Variants in PTPRM observed in about 807,000 individuals in gnomAD.
PTPRM encodes protein tyrosine phosphatase receptor type M.
A neutral mutation model predicts 186.7 loss-of-function variants in PTPRM; 47 were observed. The observed-to-expected ratio is 0.25, with a 90% CI of 0.20 to 0.32. The LOEUF (loss-of-function observed/expected upper bound fraction) is 0.32. Ranked by LOEUF, PTPRM falls within the 10% of genes least tolerant of loss-of-function variation. PTPRM has a pLI of 1.00. For synonymous variants in PTPRM, 668 were observed against 674.9 expected (o/e 0.99, Z 0.16); for missense variants, 1,494 against 1,865.0 (o/e 0.80, Z 3.66).
intron 20 of PTPRM, among the ~76,000 whole-genome samples, chr18:8,298,809 A>G (rs2095124125): frequency 1.3e-5 from 2 of 152,176 alleles, no homozygotes; most frequent in Non-Finnish European, 2.9e-5. Context: ...TGCTGGGATG[A>G]CTGGTCCCAC....
At position 8,387,735 on chromosome 18, in the gene PTPRM, AGTGTGTGTGTGTGCGTGTGTGCGT is replaced by A. The variant is rs1452548268; in HGVS notation, c.4208+508_4208+531del. On this transcript the variant is annotated intron_variant, in intron 31 of 32. Transcript: ENST00000580170. ...TCATGTCAGGTCTCAAAGGACCTGG[AGTGTGTGTGTGTGCGTGTGTGCGT>A]GTGTGTGCGCGCGCGTGCATGCTTT... Among the ~76,000 whole-genome samples, 895 of 151,380 alleles carry A rather than the reference AGTGTGTGTGTGTGCGTGTGTGCGT, an allele frequency of 5.9e-3. 10 individuals are homozygous for A. The highest frequency in any genetic ancestry group is 0.029 in the Admixed American group (440 of 15,242).
chr18:8,343,015 G>C (rs1285138612), intron 22 of PTPRM, among the ~76,000 whole-genome samples: 1 of 152,160 alleles, frequency 6.6e-6, no homozygotes. Context: ...TTTTCCTATA[G>C]AGGCTCATTT....
chr18:7,977,767 G>GTACCA, intron 7 of PTPRM, among the ~76,000 whole-genome samples: 1 of 91,984 alleles, frequency 1.1e-5, no homozygotes, highest in African/African-American at 4.8e-5. Context: ...ATGTTGCTTT[G>GTACCA]TGCATGCTTT....
chr18:7,609,016 A>G (rs112498095), intron 1 of PTPRM, among the ~76,000 whole-genome samples: 36 of 152,310 alleles, frequency 2.4e-4, no homozygotes, highest in African/African-American at 7.7e-4. Context: ...TGTCAGGGTC[A>G]GCTCTCTAGG....
At chr18:7,730,531 C>T (rs1257819352) in intron 1 of PTPRM, among the ~76,000 whole-genome samples, 3 of 152,112 alleles carry the variant, frequency 2.0e-5, no homozygotes, top group Non-Finnish European at 2.9e-5. Flanking sequence ...TACCTAAAGG[C>T]CAAATGATTA....
At chr18:8,192,784 T>C (rs2093725767) in intron 14 of PTPRM, among the ~76,000 whole-genome samples, 1 of 152,172 alleles carries the variant, frequency 6.6e-6, no homozygotes, top group Non-Finnish European at 1.5e-5. Context: ...AGGTAAGAGA[T>C]ATTCTGGGAG....
At chr18:8,341,739 C>T (rs1042347453) in intron 22 of PTPRM, among the ~76,000 whole-genome samples, 14 of 151,690 alleles carry the variant, frequency 9.2e-5, no homozygotes, top group Non-Finnish European at 1.9e-4. Flanking sequence ...GAAGGACTCA[C>T]TGCTTCTTTT....
At chr18:8,106,023 A>G (rs761662586) in intron 11 of PTPRM, among the ~76,000 whole-genome samples, 2 of 152,184 alleles carry the variant, frequency 1.3e-5, no homozygotes, top group South Asian at 4.2e-4. Context: ...TTCCCGGCCC[A>G]CCCTCAGGTA....
At chr18:8,383,632 A>C (rs1249769258) in intron 29 of PTPRM, among the ~76,000 whole-genome samples, 1 of 152,162 alleles carries the variant, frequency 6.6e-6, no homozygotes, top group Non-Finnish European at 1.5e-5. Context: ...AGGCTGTAGG[A>C]AATTGCTTTT....
chr18:8,387,028 C>T (rs774064588), intron 30 of PTPRM, 44 bp from the exon 31 acceptor site: 1 of 1,521,742 alleles, frequency 6.6e-7, no homozygotes, highest in South Asian at 1.1e-5. Context: ...GTAAATAATG[C>T]CTGTTTTCTT....
intron 14 of PTPRM, among the ~76,000 whole-genome samples, chr18:8,239,560 G>C (rs2094392734): frequency 6.6e-6 from 1 of 152,146 alleles, no homozygotes; most frequent in Non-Finnish European, 1.5e-5. Context: ...CAGTTTGTCA[G>C]CTACAGTTTA....
At chr18:8,073,835 G>T (rs993167967) in intron 8 of PTPRM, among the ~76,000 whole-genome samples, 9 of 152,156 alleles carry the variant, frequency 5.9e-5, no homozygotes, top group African/African-American at 2.2e-4. Flanking sequence ...AACCTGGGAG[G>T]TTGAGGCTGC....
chr18:8,027,873 C>G (rs1194167409), intron 7 of PTPRM, among the ~76,000 whole-genome samples: 1 of 152,152 alleles, frequency 6.6e-6, no homozygotes, highest in Non-Finnish European at 1.5e-5. Flanking sequence ...GCGATTTCTT[C>G]CATCTCTAGC....
chr18:8,261,885 A>G (rs2094635488), intron 19 of PTPRM, among the ~76,000 whole-genome samples: 1 of 152,174 alleles, frequency 6.6e-6, no homozygotes, highest in African/African-American at 2.4e-5. Flanking sequence ...GAAGTTAAGC[A>G]ATTTTCCCAC....
intron 23 of PTPRM, chr18:8,365,693 C>T (rs1047485854): frequency 6.6e-6 from 1 of 152,278 alleles, no homozygotes; most frequent in Non-Finnish European, 1.5e-5. Context: ...GCAGGGGTTC[C>T]CCCTAGCTGT....
intron 14 of PTPRM, among the ~76,000 whole-genome samples, chr18:8,150,661 T>A (rs112705132): frequency 0.15 from 22,845 of 152,170 alleles, 1,821 homozygotes; most frequent in Middle Eastern, 0.26. Context: ...CTTCGTCAAC[T>A]CATTCTCCAA....
chr18:8,330,929 G>A (rs1424635985), intron 22 of PTPRM, among the ~76,000 whole-genome samples: 3 of 152,148 alleles, frequency 2.0e-5, no homozygotes, highest in African/African-American at 7.2e-5. Flanking sequence ...CCCTCTGGAA[G>A]CAGTGTCTCT....
chr18:8,107,029 C>G (rs1286225292), intron 11 of PTPRM, among the ~76,000 whole-genome samples: 2 of 152,170 alleles, frequency 1.3e-5, no homozygotes, highest in Non-Finnish European at 2.9e-5. Context: ...AGGAACAAAG[C>G]TATTTGGTGT....
chr18:8,388,969 GA>G (rs111458057), intron 31 of PTPRM, among the ~76,000 whole-genome samples: 4,970 of 148,038 alleles, frequency 0.034, 249 homozygotes, highest in African/African-American at 0.11. Flanking sequence ...TCAAAGAAAA[GA>G]AAAAAAAAAT....
Sources: allele counts gnomAD v4.1 joint callset (sites outside exome capture counted in the v4.1 genomes callset), GRCh38; gene constraint gnomAD v4.1.1; transcripts MANE v1.5; gene names NCBI Gene and HGNC (gene_info 2026-07-23, HGNC 2026-07-21).